Variants in DNASE2B observed in about 807,000 individuals in gnomAD.
DNASE2B encodes the protein deoxyribonuclease-2-beta.
A neutral mutation model predicts 46.0 loss-of-function variants in DNASE2B; 43 were observed. That is an observed-to-expected ratio of 0.94 (90% CI 0.73 to 1.21). The LOEUF (loss-of-function observed/expected upper bound fraction) is 1.21, where lower values mean the gene tolerates loss of function less well. Among genes scored for constraint, DNASE2B ranks in the 50% most tolerant of loss-of-function variants. DNASE2B has a pLI of 0.00. For missense variants in DNASE2B, 395 were observed against 414.4 expected, an observed-to-expected ratio of 0.95 and a Z score of 0.41; for synonymous variants, 156 against 152.5, an observed-to-expected ratio of 1.02 and a Z score of -0.17.
Position 84,403,953 on chromosome 1 carries a change from A to ATTTTT in DNASE2B, c.303+1891_303+1895dup, listed in dbSNP as rs562382212. ...AGGCATGCACCACCATGCCTGGCTA[A>ATTTTT]TTTTTTTTTTTTTTTTTTTTGGCGG... On this transcript the variant is annotated intron_variant, in intron 2 of 5. Transcript: ENST00000370665. Among the ~76,000 whole-genome samples, 3 of 108,134 alleles carry ATTTTT rather than the reference A, an allele frequency of 2.8e-5. 1 individual carries two copies. The highest frequency in any genetic ancestry group is 7.4e-5 in the African/African-American group (2 of 27,054). 70.9% of individuals were successfully genotyped at this position (108,134 alleles called of 152,430 possible). A position where few individuals can be genotyped will look rare whatever the true frequency, so the allele number is the denominator to read the frequency against.
chr1:84,398,865 C>G (rs146610266), intron 1 of DNASE2B, among the ~76,000 whole-genome samples, 176 bp downstream of exon 1: 1 of 152,180 alleles, frequency 6.6e-6, no homozygotes, highest in African/African-American at 2.4e-5. Context: ...TTCTGAGTGA[C>G]GGAGTTTCCC....
Position 84,414,766 on chromosome 1 carries a change from T to A in DNASE2B, c.984T>A (p.Ser328Arg), listed in dbSNP as rs1320513380. The A allele has an allele frequency of 1.2e-6, 2 of 1,613,876 alleles. No individual in the cohort carries two copies. Among genetic ancestry groups the A allele is most frequent in the African/African-American group, 1.3e-5 (1 of 74,860 alleles). Reference sequence around the variant, plus strand: ...CATGTATTGGAGACCTAAATCGGAGTCCACACCAAGCCTTCAGAAGTGGAG... The same window carrying A: ...CATGTATTGGAGACCTAAATCGGAGACCACACCAAGCCTTCAGAAGTGGAG... ...RWTCIGDLNR[S>R]PHQAFRSGGF... The change falls in exon 6 of 6, where the codon AGT becomes AGA. Residue 328 changes from serine (S) to arginine (R), a missense_variant. Physicochemically the swap from Ser to Arg is moderately radical, Grantham distance 110. Coordinates refer to ENST00000370665, the MANE Select transcript of DNASE2B (RefSeq NM_021233.3).
intron 2 of DNASE2B, among the ~76,000 whole-genome samples, chr1:84,402,977 C>T (rs1463372080): frequency 1.3e-5 from 2 of 152,122 alleles, no homozygotes; most frequent in Non-Finnish European, 2.9e-5. Flanking sequence ...AGTATTTACT[C>T]AAAATACACA....
intron 3 of DNASE2B, among the ~76,000 whole-genome samples, 169 bp from the exon 4 acceptor site, chr1:84,410,669 G>A (rs1570305704): frequency 6.6e-6 from 1 of 152,302 alleles, no homozygotes; most frequent in South Asian, 2.1e-4. Flanking sequence ...TGTGATATGT[G>A]CCAGAATTGT....
At chr1:84,410,004 G>GA (rs1315359858) in intron 3 of DNASE2B, among the ~76,000 whole-genome samples, 4 of 150,222 alleles carry the variant, frequency 2.7e-5, no homozygotes, top group East Asian at 1.9e-4. Flanking sequence ...TAGGCACTTT[G>GA]AAAAAAAAAT....
intron 3 of DNASE2B, among the ~76,000 whole-genome samples, chr1:84,410,211 A>G (rs1340423932): frequency 6.6e-6 from 1 of 152,062 alleles, no homozygotes; most frequent in Non-Finnish European, 1.5e-5. Flanking sequence ...AAATCTTTCT[A>G]TTTTCTTCCT....
intron 5 of DNASE2B, 131 bp from the exon 6 acceptor site, chr1:84,414,397 A>C (rs1680655842): frequency 1.4e-6 from 1 of 732,682 alleles, no homozygotes; most frequent in East Asian, 2.7e-5. Context: ...TATCTCAATT[A>C]TGTTGTTATT....
At chr1:84,408,327 CAT>C in intron 2 of DNASE2B, 108 bp from the exon 3 acceptor site, 1 of 1,366,422 alleles carries the variant, frequency 7.3e-7, no homozygotes, top group Non-Finnish European at 9.5e-7. Context: ...GATGACTTCT[CAT>C]GTGTATTAAT....
chr1:84,414,810 A>C lies in DNASE2B; in HGVS notation c.1028A>C (p.Asn343Thr), dbSNP rs771876558. The change falls in exon 6 of 6, where the codon AAT (asparagine) becomes ACT (threonine). Residue 343 changes from asparagine (N) to threonine (T), a missense_variant. Physicochemically the swap from Asn to Thr is moderately conservative, Grantham distance 65. Coordinates refer to ENST00000370665, the MANE Select transcript of DNASE2B (RefSeq NM_021233.3). ...AGTGGAGGATTCATTTGTACCCAGA[A>C]TTGGCAAATTTACCAAGCATTTCAA... ...FRSGGFICTQ[N>T]WQIYQAFQGL... 1.2e-6 allele frequency: 2 copies of C among 1,614,168 alleles called. No homozygotes were observed. The highest frequency in any genetic ancestry group is 2.2e-5 in the South Asian group (2 of 91,068).
chr1:84,411,749 T>C (rs907447287), intron 4 of DNASE2B, among the ~76,000 whole-genome samples: 3 of 152,142 alleles, frequency 2.0e-5, no homozygotes, highest in Non-Finnish European at 1.5e-5. Context: ...TTAGAAAATG[T>C]TTCTCATCAA....
At position 84,414,748 on chromosome 1, in the gene DNASE2B, T is replaced by G; in HGVS notation, c.966T>G (p.Ile322Met). ...GCACCAAAAATCGCTGGACATGTAT[T>G]GGAGACCTAAATCGGAGTCCACACC... Reference protein sequence around the residue: ...QKGTKNRWTCIGDLNRSPHQA... With the variant: ...QKGTKNRWTCMGDLNRSPHQA... Residue 322 changes from isoleucine (I) to methionine (M), a missense_variant, in exon 6 of 6, where the codon ATT becomes ATG. By Grantham distance (10) the Ile-to-Met change is conservative. Coordinates refer to ENST00000370665, the MANE Select transcript of DNASE2B (RefSeq NM_021233.3). 1 of 1,614,232 alleles carries G rather than the reference T, an allele frequency of 6.2e-7. No homozygotes were observed. Among genetic ancestry groups the G allele is most frequent in the South Asian group, 1.1e-5 (1 of 91,084 alleles).
chr1:84,400,449 T>C (rs1389541654), intron 1 of DNASE2B, among the ~76,000 whole-genome samples: 3 of 152,208 alleles, frequency 2.0e-5, no homozygotes, highest in Non-Finnish European at 4.4e-5. Context: ...CATGAATATG[T>C]TCCCTAATAG....
chr1:84,411,428 GTGTGTGTGTGTGTGT>G (rs1558503332), intron 4 of DNASE2B, among the ~76,000 whole-genome samples: 161 of 4,766 alleles, frequency 0.034, 3 homozygotes, highest in South Asian at 0.25. Flanking sequence ...AACCTAGGGT[GTGTGTGTGTGTGTGT>G]GTGTGTGTGT....
At chr1:84,398,728 G>A in intron 1 of DNASE2B, 39 bp downstream of exon 1, 10 of 1,610,814 alleles carry the variant, frequency 6.2e-6, no homozygotes, top group Non-Finnish European at 7.6e-6. Context: ...CATGCAAACA[G>A]CCTCGGTACA....
At chr1:84,402,112 T>C (rs984347619) in intron 2 of DNASE2B, 34 bp downstream of exon 2, 4 of 1,554,784 alleles carry the variant, frequency 2.6e-6, no homozygotes, top group South Asian at 2.5e-5. Context: ...ACTTGAATAA[T>C]ATAAAATGCA....
intron 1 of DNASE2B, among the ~76,000 whole-genome samples, chr1:84,400,527 A>G (rs747992425): frequency 5.9e-5 from 9 of 152,166 alleles, no homozygotes; most frequent in Admixed American, 1.3e-4. Context: ...TTGGGGGTTA[A>G]TGGGACATCT....
chr1:84,409,750 T>C (rs1680556555), intron 3 of DNASE2B, among the ~76,000 whole-genome samples: 1 of 152,146 alleles, frequency 6.6e-6, no homozygotes. Context: ...TTTGGGGAAA[T>C]GGCTCTAAAG....
At chr1:84,412,843 C>T (rs963209626) in intron 5 of DNASE2B, among the ~76,000 whole-genome samples, 3 of 151,884 alleles carry the variant, frequency 2.0e-5, no homozygotes, top group South Asian at 2.1e-4. Flanking sequence ...TTATTTTAAG[C>T]CTTCTTTACT....
rs1377338175 is a variant in DNASE2B at position 84,402,006 on chromosome 1, G to A, written c.231G>A (p.Glu77=). 4 of 1,610,054 alleles carry A rather than the reference G, an allele frequency of 2.5e-6. No homozygotes were observed. The highest frequency in any genetic ancestry group is 3.4e-6 in the Non-Finnish European group (4 of 1,178,518). ...CAACTAGAAGCTGGAGGAAGAGTGAGCAACTAATGAATGACACCAAGAGTG... is the reference window on the plus strand; with the variant it reads ...CAACTAGAAGCTGGAGGAAGAGTGAACAACTAATGAATGACACCAAGAGTG... The part of the protein sequence containing the change: ...DSTTRSWRKS[E]QLMNDTKSVL... Residue 77 remains glutamate, a synonymous_variant, in exon 2 of 6, where the codon GAG becomes GAA. Transcript: ENST00000370665.
Sources: gnomAD v4.1 joint callset for allele counts (sites outside exome capture counted in the v4.1 genomes callset) on GRCh38, gnomAD v4.1.1 for gene constraint, MANE v1.5 for transcripts, NCBI Gene and HGNC (gene_info 2026-07-23, HGNC 2026-07-21) for gene names.